The following CLCN3 variants were observed in gnomAD, a reference collection of about 807,000 sequenced individuals.
CLCN3 encodes Cl-/H+ antiporter 3.
Under a neutral mutation model 83.4 loss-of-function variants are expected in CLCN3, and 16 were observed. That is an observed-to-expected ratio of 0.19 (90% confidence interval 0.13 to 0.29). CLCN3 has a LOEUF of 0.29. Ranked by LOEUF, CLCN3 falls within the 10% of genes least tolerant of loss-of-function variation. The pLI is 1.00. For missense variants in CLCN3, 544 were observed against 1,006.0 expected, an observed-to-expected ratio of 0.54 and a Z score of 6.21; for synonymous variants, 322 against 346.2, an observed-to-expected ratio of 0.93 and a Z score of 0.78.
intron 2 of CLCN3, among the ~76,000 whole-genome samples, chr4:169,646,455 A>T (rs1730575464): frequency 6.6e-6 from 1 of 151,628 alleles, no homozygotes; most frequent in Admixed American, 6.6e-5. Flanking sequence ...TGCCCAGCTA[A>T]GTTTTTATAC....
intron 3 of CLCN3, among the ~76,000 whole-genome samples, chr4:169,686,074 C>CA (rs377612312): frequency 1.3e-5 from 2 of 151,648 alleles, no homozygotes; most frequent in Non-Finnish European, 2.9e-5. Flanking sequence ...GTCGCAAGGA[C>CA]AAAAAACCAA....
chr4:169,629,240 T>C lies in CLCN3; in HGVS notation c.-16-6673T>C, dbSNP rs539166305. On this transcript the variant is annotated intron_variant, in intron 1 of 12. Transcript: ENST00000513761. Reference sequence around the variant, plus strand: ...GATATTGTACTATAGTTTTGCGAGATGTTCCCATTAATGGAAACTGGGTAA... The same window carrying C: ...GATATTGTACTATAGTTTTGCGAGACGTTCCCATTAATGGAAACTGGGTAA... Among the ~76,000 whole-genome samples, 3 of 151,884 alleles carry C rather than the reference T, an allele frequency of 2.0e-5. No homozygotes were observed. In the South Asian group the frequency reaches 6.3e-4, roughly 32 times the overall value.
chr4:169,692,336 A>T lies in CLCN3; in HGVS notation c.936+16A>T. On this transcript the variant is annotated intron_variant, in intron 7 of 12. Coordinates refer to ENST00000513761, the MANE Select transcript of CLCN3 (RefSeq NM_001829.4). ...AAAAAGGGAGGTAAGTGTCTTTTGT[A>T]GTTAATTTGACTGAAAAATATATAT... 1 of 1,419,188 alleles carries T rather than the reference A, an allele frequency of 7.0e-7. No individual in the cohort carries two copies. Among genetic ancestry groups the T allele is most frequent in the Non-Finnish European group, 9.9e-7 (1 of 1,012,368 alleles). The allele number at this position is 1,419,188 out of a possible 1,614,324, so 87.9% of individuals were successfully genotyped here. A position where few individuals can be genotyped will look rare whatever the true frequency, so the allele number is the denominator to read the frequency against.
rs1732962322 is a variant in CLCN3, at chr4:169,705,718, C to T, written c.1751-1150C>T. ...GGTAAAAAAACAAAAGGAAGAGCTT[C>T]AGCTTAATACAGTATGAACTGACGA... On this transcript the variant is annotated intron_variant, in intron 10 of 12. Transcript: ENST00000513761. 5.3e-5 allele frequency among the ~76,000 whole-genome samples: 8 copies of T among 152,232 alleles called. No homozygotes were observed. In the South Asian group the frequency reaches 1.7e-3, roughly 32 times the overall value.
intron 11 of CLCN3, among the ~76,000 whole-genome samples, chr4:169,711,989 C>T (rs545345322): frequency 6.6e-6 from 1 of 150,868 alleles, no homozygotes; most frequent in East Asian, 2.0e-4. Context: ...CTCAGCCTCC[C>T]AATTACTTGG....
chr4:169,645,427 G>C (rs949649681), intron 2 of CLCN3, among the ~76,000 whole-genome samples: 1 of 152,072 alleles, frequency 6.6e-6, no homozygotes, highest in Non-Finnish European at 1.5e-5. Flanking sequence ...ATGGAATTTG[G>C]GGATTTATAA....
intron 7 of CLCN3, among the ~76,000 whole-genome samples, chr4:169,694,175 G>A (rs891966998): frequency 5.3e-5 from 8 of 151,906 alleles, no homozygotes; most frequent in Admixed American, 1.3e-4. Context: ...CCAACAATTT[G>A]ATTAAAACAA....
At chr4:169,652,589 T>C (rs1581208751) in intron 2 of CLCN3, among the ~76,000 whole-genome samples, 1 of 152,220 alleles carries the variant, frequency 6.6e-6, no homozygotes. Flanking sequence ...CTAACAATGC[T>C]ACTTTGAATA....
chr4:169,638,140 C>T (rs1481971478), intron 2 of CLCN3, among the ~76,000 whole-genome samples: 1 of 151,976 alleles, frequency 6.6e-6, no homozygotes, highest in Non-Finnish European at 1.5e-5. Context: ...TTTCTGTTAC[C>T]TTCAAAACCT....
At chr4:169,711,287 C>G (rs1733204238) in intron 11 of CLCN3, among the ~76,000 whole-genome samples, 1 of 152,194 alleles carries the variant, frequency 6.6e-6, no homozygotes, top group African/African-American at 2.4e-5. Flanking sequence ...TTGTTATGAG[C>G]TAAAAGCAAC....
At chr4:169,637,969 G>A (rs1377791625) in intron 2 of CLCN3, among the ~76,000 whole-genome samples, 1 of 152,074 alleles carries the variant, frequency 6.6e-6, no homozygotes, top group East Asian at 1.9e-4. Context: ...TTATCCATAT[G>A]CCAATGCCCA....
intron 2 of CLCN3, among the ~76,000 whole-genome samples, chr4:169,666,172 G>T (rs754292058): frequency 7.9e-5 from 12 of 151,780 alleles, no homozygotes; most frequent in Admixed American, 5.9e-4. Context: ...TAAAAGGAAA[G>T]ATTAAAAAAA....
chr4:169,656,055 C>T (rs1730872463), intron 2 of CLCN3, among the ~76,000 whole-genome samples: 1 of 151,430 alleles, frequency 6.6e-6, no homozygotes, highest in Non-Finnish European at 1.5e-5. Flanking sequence ...CCCAGAAAAG[C>T]TTTGCTGTAT....
At chr4:169,659,974 C>G in intron 2 of CLCN3, 1 of 868,932 alleles carries the variant, frequency 1.2e-6, no homozygotes, top group Non-Finnish European at 1.4e-6. Flanking sequence ...TATCTTAAAA[C>G]CAAAAGAAAT....
intron 2 of CLCN3, among the ~76,000 whole-genome samples, 176 bp from the exon 3 acceptor site, chr4:169,679,874 G>A (rs1937776843): frequency 8.2e-6 from 1 of 121,546 alleles, no homozygotes; most frequent in South Asian, 2.5e-4. Flanking sequence ...GGGAGACCGT[G>A]GAAGGCGGGA....
chr4:169,712,371 T>C (rs1433339041), intron 11 of CLCN3, among the ~76,000 whole-genome samples: 1 of 152,150 alleles, frequency 6.6e-6, no homozygotes, highest in African/African-American at 2.4e-5. Context: ...CATTCAGATT[T>C]TTTTTTTAGT....
intron 9 of CLCN3, among the ~76,000 whole-genome samples, chr4:169,701,550 T>G (rs1287752269): frequency 5.3e-5 from 8 of 152,068 alleles, no homozygotes; most frequent in Non-Finnish European, 1.0e-4. Flanking sequence ...ATCAGAGAAG[T>G]TGTTATCAGT....
chr4:169,668,191 T>A lies in CLCN3; in HGVS notation c.161-11859T>A, dbSNP rs1225828480. Among the ~76,000 whole-genome samples the A allele has an allele frequency of 2.0e-5, 3 of 151,872 alleles. No homozygotes were observed. In the South Asian group the frequency reaches 6.2e-4, roughly 32 times the overall value. ...GGTTGTTTTTTGTTTGTTATTTGTT[T>A]TTTAAATAGAGATGAGATCTCACTG... On this transcript the variant is annotated intron_variant, in intron 2 of 12. Coordinates refer to ENST00000513761, the MANE Select transcript of CLCN3 (RefSeq NM_001829.4).
intron 5 of CLCN3, 135 bp downstream of exon 5, chr4:169,689,365 C>A: frequency 1.5e-6 from 1 of 664,052 alleles, no homozygotes; most frequent in Non-Finnish European, 2.4e-6. Flanking sequence ...CACATTGCAG[C>A]AAGAAAGAAT....
Sources: gnomAD v4.1 joint callset for allele counts (sites outside exome capture counted in the v4.1 genomes callset) on GRCh38, gnomAD v4.1.1 for gene constraint, MANE v1.5 for transcripts, NCBI Gene and HGNC (gene_info 2026-07-23, HGNC 2026-07-21) for gene names.